The following KLHL14 variants were observed in gnomAD, a reference collection of about 807,000 sequenced individuals.
The protein encoded by KLHL14 is kelch like family member 14.
A neutral mutation model predicts 64.3 loss-of-function variants in KLHL14; 22 were observed. The observed-to-expected ratio is 0.34, with a 90% CI of 0.24 to 0.49. KLHL14 has a LOEUF of 0.49. Among genes scored for constraint, KLHL14 ranks in the 20% least tolerant of loss-of-function variants. The pLI is 0.99. For synonymous variants in KLHL14, 322 were observed against 333.4 expected, an observed-to-expected ratio of 0.97 and a Z score of 0.37; for missense variants, 661 against 789.0, an observed-to-expected ratio of 0.84 and a Z score of 1.94.
At chr18:32,763,122 T>C (rs1479594653) in intron 2 of KLHL14, among the ~76,000 whole-genome samples, 1 of 151,822 alleles carries the variant, frequency 6.6e-6, no homozygotes, top group African/African-American at 2.4e-5. Flanking sequence ...TTTTTTTTTT[T>C]TCATAGTTAA....
intron 2 of KLHL14, among the ~76,000 whole-genome samples, chr18:32,769,196 T>C (rs929640348): frequency 2.6e-5 from 4 of 152,172 alleles, no homozygotes; most frequent in Non-Finnish European, 5.9e-5. Flanking sequence ...TGGGCTCTTC[T>C]GCTCACCCAA....
intron 3 of KLHL14, among the ~76,000 whole-genome samples, chr18:32,711,118 A>G (rs528597511): frequency 5.3e-5 from 8 of 152,298 alleles, no homozygotes; most frequent in African/African-American, 1.9e-4. Context: ...CCATCATCTC[A>G]AAGTGTGGAA....
intron 2 of KLHL14, among the ~76,000 whole-genome samples, chr18:32,762,341 G>C (rs1369709741): frequency 6.6e-6 from 1 of 151,942 alleles, no homozygotes; most frequent in Non-Finnish European, 1.5e-5. Flanking sequence ...ATTTGTAAAT[G>C]TTGAACACCT....
intron 3 of KLHL14, among the ~76,000 whole-genome samples, chr18:32,720,706 T>G (rs926986895): frequency 1.3e-5 from 2 of 152,130 alleles, no homozygotes; most frequent in Non-Finnish European, 2.9e-5. Context: ...TCCAGGAAGT[T>G]ACATGAGGAA....
chr18:32,673,466 T>G lies in KLHL14; in HGVS notation c.*1191A>C, dbSNP rs1443690543. On this transcript the variant is annotated 3_prime_UTR_variant, in exon 9 of 9. Coordinates refer to ENST00000359358, the MANE Select transcript of KLHL14 (RefSeq NM_020805.3). ...ACTATCTCATGCTATCCTGACCTTC[T>G]GCTCCTGAATTCCTCATGCTCCTCA... 6.6e-6 allele frequency: 1 copy of G among 152,224 alleles called. No individual in the cohort carries two copies. The highest frequency in any genetic ancestry group is 1.5e-5 in the Non-Finnish European group (1 of 68,036). 9.4% of individuals were successfully genotyped at this position (152,224 alleles called of 1,614,324 possible).
Position 32,677,217 on chromosome 18 carries a change from G to A in KLHL14, c.1702C>T (p.Leu568Phe). The A allele has an allele frequency of 1.2e-6, 2 of 1,613,648 alleles. No individual in the cohort carries two copies. The highest frequency in any genetic ancestry group is 1.7e-6 in the Non-Finnish European group (2 of 1,179,684). ...EGRSGPGCAV[L>F]DDSIYLVGGY... ...CCCACAAGGTAAATGCTGTCATCAAGCACTGCACAGCCAGGGCCACTTCGA... is the reference window on the plus strand; with the variant it reads ...CCCACAAGGTAAATGCTGTCATCAAACACTGCACAGCCAGGGCCACTTCGA... The change falls in exon 8 of 9, where the codon CTT becomes TTT. Residue 568 changes from leucine (L) to phenylalanine (F), a missense_variant. This residue lies in a region of KLHL14 where 330 missense variants were observed against 450.0 expected (regional missense o/e 0.73). Transcript: ENST00000359358.
At chr18:32,730,526 G>A (rs1471516424) in intron 3 of KLHL14, among the ~76,000 whole-genome samples, 1 of 152,176 alleles carries the variant, frequency 6.6e-6, no homozygotes. Context: ...AGAAAAGCAT[G>A]TATTTTTGTC....
At chr18:32,750,103 A>C (rs2144538588) in intron 2 of KLHL14, among the ~76,000 whole-genome samples, 1 of 151,786 alleles carries the variant, frequency 6.6e-6, no homozygotes, top group East Asian at 2.0e-4. Context: ...CGCTAATTCC[A>C]TCATGAGGGT....
intron 3 of KLHL14, chr18:32,733,853 C>T (rs1319054460): frequency 3.4e-6 from 1 of 290,582 alleles, no homozygotes; most frequent in African/African-American, 2.1e-5. Flanking sequence ...GGTAGAATTG[C>T]TAAATTGCTA....
chr18:32,742,661 C>G (rs2050204871), intron 2 of KLHL14, among the ~76,000 whole-genome samples: 1 of 152,160 alleles, frequency 6.6e-6, no homozygotes, highest in Non-Finnish European at 1.5e-5. Context: ...TCACCCTCCC[C>G]TCTGCTCTCC....
intron 3 of KLHL14, among the ~76,000 whole-genome samples, chr18:32,727,002 G>T (rs150018809): frequency 2.6e-3 from 389 of 152,324 alleles, no homozygotes; most frequent in African/African-American, 8.8e-3. Context: ...AGCTGGTTGG[G>T]GTGCAGCCTT....
chr18:32,733,957 T>C (rs768711942), intron 3 of KLHL14: 7 of 568,592 alleles, frequency 1.2e-5, no homozygotes, highest in Admixed American at 3.0e-5. Context: ...TTCTCTTTAG[T>C]TTATTCATTC....
chr18:32,740,319 T>G (rs2050189654), intron 3 of KLHL14, among the ~76,000 whole-genome samples: 1 of 152,214 alleles, frequency 6.6e-6, no homozygotes, highest in South Asian at 2.1e-4. Flanking sequence ...CACATAAGAC[T>G]TTTCTAAGGT....
chr18:32,702,351 TTTTTA>T (rs1254063774), intron 3 of KLHL14, among the ~76,000 whole-genome samples: 2 of 140,024 alleles, frequency 1.4e-5, no homozygotes, highest in Admixed American at 1.4e-4. Flanking sequence ...GTTTTTTTTT[TTTTTA>T]AAAAAAAGTC....
intron 3 of KLHL14, among the ~76,000 whole-genome samples, chr18:32,730,371 C>T (rs2050131495): frequency 6.6e-6 from 1 of 152,162 alleles, no homozygotes; most frequent in South Asian, 2.1e-4. Context: ...AAAAATAAAA[C>T]TAAAAACAAT....
chr18:32,717,175 A>AT (rs1428529780), intron 3 of KLHL14, among the ~76,000 whole-genome samples: 1 of 152,232 alleles, frequency 6.6e-6, no homozygotes, highest in Non-Finnish European at 1.5e-5. Flanking sequence ...AACGTTATAA[A>AT]TTCCTGTCAT....
rs1229113620 is a variant in KLHL14 at position 32,769,933 on chromosome 18, T to C, written c.659A>G (p.Glu220Gly). The part of the protein sequence containing the change: ...VEDVLLLNFE[E>G]MRALLDSLPP... ...CAGCGAGTCCAGCAGGGCGCGCATC[T>C]CCTCGAAGTTGAGCAGCAGCACATC... is the stretch of plus-strand genomic sequence containing the variant. The change falls in exon 2 of 9, where the codon GAG becomes GGG. Residue 220 changes from glutamate (E) to glycine (G), a missense_variant. Coordinates refer to ENST00000359358, the MANE Select transcript of KLHL14 (RefSeq NM_020805.3). 1 of 1,614,116 alleles carries C rather than the reference T, an allele frequency of 6.2e-7. No individual in the cohort carries two copies. The highest frequency in any genetic ancestry group is 8.5e-7 in the Non-Finnish European group (1 of 1,180,026).
intron 2 of KLHL14, among the ~76,000 whole-genome samples, chr18:32,768,390 GACACACACACACACACACAC>G (rs10567081): frequency 1.4e-5 from 2 of 141,586 alleles, no homozygotes; most frequent in African/African-American, 5.3e-5. Flanking sequence ...GAAACATAAT[GACACACACACACACACACAC>G]ACACACACAC....
chr18:32,683,085 T>C lies in KLHL14; in HGVS notation c.1239-2486A>G, dbSNP rs1303682528. ...TGAAGAATAAGAGGAAGATCTCCCT[T>C]TGGTGAACTCATTTTCTTGTCTAAA... On this transcript the variant is annotated intron_variant, in intron 5 of 8. Coordinates refer to ENST00000359358, the MANE Select transcript of KLHL14 (RefSeq NM_020805.3). This position sits in a 1 kb window ranked among gnomAD's most constrained non-coding sequence, Gnocchi z 4.2. Among the ~76,000 whole-genome samples, 1 of 152,184 alleles carries C rather than the reference T, an allele frequency of 6.6e-6. No homozygotes were observed. The highest frequency in any genetic ancestry group is 1.9e-4 in the East Asian group (1 of 5,202).
Sources: gnomAD v4.1 joint callset for allele counts (sites outside exome capture counted in the v4.1 genomes callset) on GRCh38, gnomAD v4.1.1 for gene constraint, gnomAD v4.1.1 regional missense constraint, Gnocchi (gnomAD v3.1) non-coding constraint, MANE v1.5 for transcripts, NCBI Gene and HGNC (gene_info 2026-07-23, HGNC 2026-07-21) for gene names.